The following MSRA variants were observed in gnomAD, a reference collection of about 807,000 sequenced individuals.
MSRA encodes mitochondrial peptide methionine sulfoxide reductase.
A neutral mutation model predicts 31.3 loss-of-function variants in MSRA; 54 were observed. That is an observed-to-expected ratio of 1.73 (90% CI 1.39 to 2.17). MSRA has a LOEUF of 2.17. Among genes scored for constraint, MSRA ranks in the 30% most tolerant of loss-of-function variants. MSRA has a pLI of 0.00. For synonymous variants in MSRA, 169 were observed against 116.5 expected, an observed-to-expected ratio of 1.45 and a Z score of -2.90; for missense variants, 507 against 300.9, an observed-to-expected ratio of 1.69 and a Z score of -5.07.
At chr8:10,344,440 G>A (rs1355562755) in intron 5 of MSRA, among the ~76,000 whole-genome samples, 1 of 151,878 alleles carries the variant, frequency 6.6e-6, no homozygotes, top group African/African-American at 2.4e-5. Context: ...CAGGCGTGGT[G>A]GTGGGCTCCT....
intron 5 of MSRA, among the ~76,000 whole-genome samples, chr8:10,390,737 C>G (rs1212717551): frequency 6.6e-6 from 1 of 152,082 alleles, no homozygotes; most frequent in East Asian, 1.9e-4. Context: ...TGGGCACTGA[C>G]TCCATTCCAA....
At chr8:10,253,280 C>T (rs574865718) in intron 3 of MSRA, among the ~76,000 whole-genome samples, 6 of 152,188 alleles carry the variant, frequency 3.9e-5, no homozygotes, top group Non-Finnish European at 8.8e-5. Flanking sequence ...TATGGACTCT[C>T]TAAAGACTAT....
At chr8:10,245,774 C>T (rs117953673) in intron 3 of MSRA, among the ~76,000 whole-genome samples, 2 of 152,296 alleles carry the variant, frequency 1.3e-5, no homozygotes, top group East Asian at 3.9e-4. Flanking sequence ...GAGGATGAGG[C>T]CCATTCTCTG....
intron 1 of MSRA, among the ~76,000 whole-genome samples, chr8:10,084,963 T>C (rs1439293896): frequency 3.9e-5 from 6 of 152,224 alleles, no homozygotes; most frequent in Non-Finnish European, 8.8e-5. Context: ...TTATATTTAA[T>C]ACAAAATTTC....
At chr8:10,352,396 G>A (rs1804209495) in intron 5 of MSRA, among the ~76,000 whole-genome samples, 1 of 152,190 alleles carries the variant, frequency 6.6e-6, no homozygotes, top group African/African-American at 2.4e-5. Context: ...TCTCCACTGT[G>A]CTTTGGGACT....
At chr8:10,386,881 A>AC (rs1806426504) in intron 5 of MSRA, among the ~76,000 whole-genome samples, 1 of 151,922 alleles carries the variant, frequency 6.6e-6, no homozygotes, top group Non-Finnish European at 1.5e-5. Context: ...TTAAAAAAAA[A>AC]AAAAAAAAAA....
chr8:10,411,427 T>G (rs1808153622), intron 5 of MSRA: 1 of 152,274 alleles, frequency 6.6e-6, no homozygotes, highest in Non-Finnish European at 1.5e-5. Context: ...CAACTGTATC[T>G]GGAGTGCATT....
intron 1 of MSRA, among the ~76,000 whole-genome samples, chr8:10,078,335 G>A (rs1798100785): frequency 6.6e-6 from 1 of 152,238 alleles, no homozygotes; most frequent in Admixed American, 6.5e-5. Context: ...AGAGAGGTGT[G>A]TATGAATGGT....
intron 1 of MSRA, among the ~76,000 whole-genome samples, chr8:10,206,867 T>G (rs1809030885): frequency 6.6e-6 from 1 of 152,210 alleles, no homozygotes; most frequent in African/African-American, 2.4e-5. Context: ...ATAACTGTAC[T>G]CTCCTCGAGG....
chr8:10,326,143 T>C (rs753712497), intron 5 of MSRA, among the ~76,000 whole-genome samples: 4 of 152,218 alleles, frequency 2.6e-5, no homozygotes, highest in Non-Finnish European at 5.9e-5. Context: ...TGACTTAGGT[T>C]ACTAATTTAA....
At chr8:10,361,702 G>T (rs1310091507) in intron 5 of MSRA, among the ~76,000 whole-genome samples, 1 of 152,090 alleles carries the variant, frequency 6.6e-6, no homozygotes, top group Non-Finnish European at 1.5e-5. Flanking sequence ...AACACAGAAA[G>T]CACTTCTAAT....
intron 1 of MSRA, among the ~76,000 whole-genome samples, chr8:10,072,134 C>T (rs1284990700): frequency 1.3e-5 from 2 of 152,054 alleles, no homozygotes; most frequent in Admixed American, 6.6e-5. Context: ...AACAAAGGCG[C>T]ACACATGAGC....
At chr8:10,054,687 GCGGCGACGCTGCGCATGCGCGCCTTTGCC>G (rs1802206777) in intron 1 of MSRA, 29 bp downstream of exon 1, 8 of 1,487,122 alleles carry the variant, frequency 5.4e-6, no homozygotes, top group Non-Finnish European at 7.2e-6. Flanking sequence ...GAAGGCGCGG[GCGGCGACGCTGCGCATGCGCGCCTTTGCC>G]CGGCGGCAGC....
intron 1 of MSRA, among the ~76,000 whole-genome samples, chr8:10,167,117 A>C (rs1177779931): frequency 1.3e-5 from 2 of 152,054 alleles, no homozygotes; most frequent in African/African-American, 4.8e-5. Context: ...ATTCTCTTCC[A>C]ACACTGCTTC....
chr8:10,116,929 G>A (rs148313500), intron 1 of MSRA, among the ~76,000 whole-genome samples: 2 of 152,168 alleles, frequency 1.3e-5, no homozygotes, highest in East Asian at 3.9e-4. Context: ...TTGCGCCATT[G>A]CACTCTAGCC....
chr8:10,076,446 C>G (rs751063823), intron 1 of MSRA, among the ~76,000 whole-genome samples: 6 of 152,214 alleles, frequency 3.9e-5, no homozygotes, highest in African/African-American at 7.2e-5. Context: ...CTGGGTCCAC[C>G]TATGAAGCAG....
intron 3 of MSRA, among the ~76,000 whole-genome samples, chr8:10,275,445 G>A (rs1209043399): frequency 2.0e-5 from 3 of 152,152 alleles, no homozygotes. Context: ...TGACACATGG[G>A]AATTTTAAAG....
In MSRA at chr8:10,428,368, G is replaced by C; in HGVS notation, c.*56G>C. The C allele has an allele frequency of 6.4e-7, 1 of 1,562,194 alleles. No individual in the cohort carries two copies. Among genetic ancestry groups the C allele is most frequent in the South Asian group, 1.1e-5 (1 of 87,578 alleles). On this transcript the variant is annotated 3_prime_UTR_variant, in exon 6 of 6. Coordinates refer to ENST00000317173, the MANE Select transcript of MSRA (RefSeq NM_012331.5). ...CCAGTAAAAATGCTTTCAACAAATTGGGCAATGCTTGTGTGATTCACAATC... is the reference window on the plus strand; with the variant it reads ...CCAGTAAAAATGCTTTCAACAAATTCGGCAATGCTTGTGTGATTCACAATC...
intron 5 of MSRA, among the ~76,000 whole-genome samples, chr8:10,403,175 A>C (rs1204681425): frequency 6.6e-6 from 1 of 152,214 alleles, no homozygotes; most frequent in Non-Finnish European, 1.5e-5. Flanking sequence ...AAGGCCCTCC[A>C]AATGCACCAG....
Sources: allele counts gnomAD v4.1 joint callset (sites outside exome capture counted in the v4.1 genomes callset), GRCh38; gene constraint gnomAD v4.1.1; transcripts MANE v1.5; gene names NCBI Gene and HGNC (gene_info 2026-07-23, HGNC 2026-07-21).